The following SHQ1 variants were observed in gnomAD, a reference collection of about 807,000 sequenced individuals.
The protein encoded by SHQ1 is SHQ1, H/ACA ribonucleoprotein assembly factor, also known as protein SHQ1 homolog.
In SHQ1, 49 loss-of-function variants were observed where a neutral mutation model predicts 53.8. The ratio of observed to expected loss-of-function variants is 0.91; its 90% CI spans 0.72 to 1.16. The LOEUF (loss-of-function observed/expected upper bound fraction) is 1.16. Ranked by LOEUF, SHQ1 falls within the 50% of genes most tolerant of loss-of-function variation. SHQ1 has a pLI of 0.00. For missense variants in SHQ1, 738 were observed against 683.1 expected (o/e 1.08, Z -0.90); for synonymous variants, 243 against 251.0 (o/e 0.97, Z 0.30).
At chr3:72,753,862 C>CTAT (rs1456443078) in intron 10 of SHQ1, among the ~76,000 whole-genome samples, 1 of 152,138 alleles carries the variant, frequency 6.6e-6, no homozygotes, top group African/African-American at 2.4e-5. Flanking sequence ...ATTTTGAAAC[C>CTAT]TTGACTACCA....
intron 10 of SHQ1, among the ~76,000 whole-genome samples, chr3:72,758,019 A>ATT (rs1215594900): frequency 6.6e-6 from 1 of 152,214 alleles, no homozygotes; most frequent in Admixed American, 6.5e-5. Context: ...ACATATCATA[A>ATT]TTCCTCTCTA....
intron 10 of SHQ1, among the ~76,000 whole-genome samples, chr3:72,763,060 CACAG>C (rs758248278): frequency 0.033 from 2,563 of 77,220 alleles, 37 homozygotes; most frequent in Admixed American, 0.069. Context: ...CACACACACA[CACAG>C]AGAGAGAGAG....
the SHQ1 span, among the ~76,000 whole-genome samples, chr3:72,735,115 C>G: frequency 6.6e-6 from 1 of 151,804 alleles, no homozygotes; most frequent in Non-Finnish European, 1.5e-5. Context: ...TTCTTATACA[C>G]TAAAAGTGCC....
chr3:72,818,689 C>A (rs1261566062), intron 6 of SHQ1, among the ~76,000 whole-genome samples: 1 of 152,146 alleles, frequency 6.6e-6, no homozygotes, highest in East Asian at 1.9e-4. Flanking sequence ...CAGAATACGA[C>A]CAAGGCAATG....
At chr3:72,787,653 G>C (rs1706276724) in intron 10 of SHQ1, among the ~76,000 whole-genome samples, 1 of 152,190 alleles carries the variant, frequency 6.6e-6, no homozygotes. Context: ...ACAGGCTACA[G>C]AATGGTATGT....
intron 9 of SHQ1, among the ~76,000 whole-genome samples, chr3:72,802,857 A>G (rs1040512680): frequency 6.6e-6 from 1 of 152,186 alleles, no homozygotes; most frequent in Non-Finnish European, 1.5e-5. Flanking sequence ...GGCTGACAAG[A>G]GTAACAATAC....
intron 1 of SHQ1, among the ~76,000 whole-genome samples, chr3:72,847,873 G>T (rs938941493): frequency 6.6e-6 from 1 of 152,106 alleles, no homozygotes; most frequent in African/African-American, 2.4e-5. Flanking sequence ...GGAGTGAAAG[G>T]AAAGAACAGA....
In SHQ1 at chr3:72,840,293, G is replaced by A. The variant is rs1013608412; in HGVS notation, c.486+752C>T. Among the ~76,000 whole-genome samples, 8 of 148,936 alleles carry A rather than the reference G, an allele frequency of 5.4e-5. No homozygotes were observed. The South Asian group carries it at 8.6e-4, about 16-fold the overall frequency. ...ATAAATAAACAATAGGCTGGTCACAGTGGCTCATGCCTATAATCCCAGAAC... is the reference window on the plus strand; with the variant it reads ...ATAAATAAACAATAGGCTGGTCACAATGGCTCATGCCTATAATCCCAGAAC... On this transcript the variant is annotated intron_variant, in intron 4 of 10. Transcript: ENST00000325599.
At chr3:72,836,256 A>G (rs567646955) in intron 4 of SHQ1, among the ~76,000 whole-genome samples, 24 of 152,272 alleles carry the variant, frequency 1.6e-4, no homozygotes, top group East Asian at 5.8e-4. Context: ...TTGGGAGGCC[A>G]AGGCGGGCAG....
intron 10 of SHQ1, among the ~76,000 whole-genome samples, 195 bp downstream of exon 10, chr3:72,792,721 G>A (rs910345648): frequency 1.4e-5 from 2 of 142,962 alleles, no homozygotes; most frequent in African/African-American, 2.6e-5. Flanking sequence ...GGAGACGGAG[G>A]TTGCAGTAGC....
intron 10 of SHQ1, chr3:72,772,623 T>C: frequency 2.8e-6 from 2 of 704,288 alleles, no homozygotes; most frequent in Non-Finnish European, 5.3e-6. Context: ...TTGCATATAT[T>C]ATTGTACAAA....
intron 1 of SHQ1, among the ~76,000 whole-genome samples, chr3:72,847,712 GT>G (rs904295837): frequency 1.2e-4 from 19 of 152,106 alleles, no homozygotes; most frequent in African/African-American, 4.6e-4. Flanking sequence ...TCCAAAAAAG[GT>G]AAGAATTTCG....
chr3:72,783,307 A>C (rs995406704), intron 10 of SHQ1, among the ~76,000 whole-genome samples: 1 of 149,598 alleles, frequency 6.7e-6, no homozygotes, highest in Non-Finnish European at 1.5e-5. Flanking sequence ...AACCTCCTCC[A>C]CCTTAAGAAA....
intron 10 of SHQ1, among the ~76,000 whole-genome samples, chr3:72,780,137 T>C (rs1463578258): frequency 6.6e-6 from 1 of 152,348 alleles, no homozygotes; most frequent in East Asian, 1.9e-4. Flanking sequence ...GCAAAATTTC[T>C]GGATTTGAAA....
chr3:72,809,376 G>A (rs1219543648), intron 9 of SHQ1, among the ~76,000 whole-genome samples: 1 of 151,804 alleles, frequency 6.6e-6, no homozygotes, highest in Non-Finnish European at 1.5e-5. Context: ...AAAAGTTATA[G>A]GATATATATT....
intron 10 of SHQ1, chr3:72,772,412 A>C (rs1575683483): frequency 2.8e-6 from 1 of 356,878 alleles, no homozygotes; most frequent in East Asian, 7.1e-5. Context: ...GCAAACCATC[A>C]AGAACTTCTG....
chr3:72,756,632 A>G (rs1017781908), intron 10 of SHQ1, among the ~76,000 whole-genome samples: 7 of 152,198 alleles, frequency 4.6e-5, no homozygotes, highest in Non-Finnish European at 7.3e-5. Flanking sequence ...GAATATATTT[A>G]TTATAGAATG....
intron 9 of SHQ1, among the ~76,000 whole-genome samples, chr3:72,809,455 G>A (rs1575710865): frequency 6.6e-6 from 1 of 151,646 alleles, no homozygotes; most frequent in Non-Finnish European, 1.5e-5. Flanking sequence ...GAAAAAAAAA[G>A]AACCCACAGA....
At chr3:72,730,176 T>G in the SHQ1 span, among the ~76,000 whole-genome samples, 1 of 151,760 alleles carries the variant, frequency 6.6e-6, no homozygotes, top group Non-Finnish European at 1.5e-5. Context: ...GGCACAGTGA[T>G]GCAATCATAA....
Sources: gnomAD v4.1 joint callset for allele counts (sites outside exome capture counted in the v4.1 genomes callset) on GRCh38, gnomAD v4.1.1 for gene constraint, MANE v1.5 for transcripts, NCBI Gene and HGNC (gene_info 2026-07-23, HGNC 2026-07-21) for gene names.